KCNIP4: variants seen among roughly 807,000 people sequenced by gnomAD.
KCNIP4 encodes Kv channel-interacting protein 4.
A neutral mutation model predicts 34.0 loss-of-function variants in KCNIP4; 12 were observed. The observed-to-expected ratio is 0.35, with a 90% CI of 0.23 to 0.57. The LOEUF (loss-of-function observed/expected upper bound fraction) is 0.57. Ranked by LOEUF, KCNIP4 falls within the 20% of genes least tolerant of loss-of-function variation. KCNIP4 has a pLI of 0.83. For synonymous variants in KCNIP4, 124 were observed against 102.2 expected (o/e 1.21, Z -1.29); for missense variants, 238 against 311.7 (o/e 0.76, Z 1.78).
intron 1 of KCNIP4, among the ~76,000 whole-genome samples, chr4:21,203,036 C>T (rs1007851182): frequency 2.0e-5 from 3 of 152,206 alleles, no homozygotes; most frequent in Admixed American, 6.5e-5. Flanking sequence ...CCACAAATAA[C>T]GAATACTTGG....
At chr4:21,010,893 A>G (rs1290980426) in intron 1 of KCNIP4, among the ~76,000 whole-genome samples, 1 of 152,190 alleles carries the variant, frequency 6.6e-6, no homozygotes, top group Admixed American at 6.5e-5. Context: ...ATACTAATTG[A>G]TGCTACCACT....
intron 1 of KCNIP4, among the ~76,000 whole-genome samples, chr4:20,902,895 G>A (rs1040957910): frequency 1.3e-5 from 2 of 152,194 alleles, no homozygotes; most frequent in Admixed American, 6.5e-5. Context: ...TAGTGGCAAC[G>A]TGAAGATCCG....
chr4:20,935,305 T>C (rs1189705502), intron 1 of KCNIP4, among the ~76,000 whole-genome samples: 1 of 152,148 alleles, frequency 6.6e-6, no homozygotes, highest in Non-Finnish European at 1.5e-5. Flanking sequence ...AAATAGCTCA[T>C]AGGCATTTCA....
intron 1 of KCNIP4, among the ~76,000 whole-genome samples, chr4:21,329,238 A>G (rs1357481066): frequency 1.3e-5 from 2 of 152,242 alleles, no homozygotes; most frequent in Admixed American, 6.5e-5. Context: ...ACAACATTTA[A>G]TTATCTACAA....
At chr4:21,420,204 T>A (rs1318398203) in intron 1 of KCNIP4, among the ~76,000 whole-genome samples, 1 of 152,234 alleles carries the variant, frequency 6.6e-6, no homozygotes, top group African/African-American at 2.4e-5. Context: ...GCACTGGATA[T>A]CTTATTTCTT....
At chr4:21,513,832 G>A (rs1326752253) in intron 1 of KCNIP4, among the ~76,000 whole-genome samples, 1 of 152,038 alleles carries the variant, frequency 6.6e-6, no homozygotes, top group East Asian at 1.9e-4. Flanking sequence ...GATGAACAAC[G>A]GTACAAAACA....
chr4:21,679,161 C>T (rs534551731), intron 1 of KCNIP4, among the ~76,000 whole-genome samples: 22 of 152,282 alleles, frequency 1.4e-4, no homozygotes, highest in Admixed American at 9.8e-4. Context: ...GTTTAGGCTA[C>T]GTAGTCTGTG....
At chr4:21,789,404 CT>C (rs1265225171) in intron 1 of KCNIP4, among the ~76,000 whole-genome samples, 10 of 152,244 alleles carry the variant, frequency 6.6e-5, no homozygotes, top group African/African-American at 2.2e-4. Context: ...ACCTCTTTTG[CT>C]TTAGTCTGCA....
chr4:21,120,196 GAAACA>G (rs1560739979), intron 1 of KCNIP4, among the ~76,000 whole-genome samples: 2 of 150,786 alleles, frequency 1.3e-5, no homozygotes, highest in African/African-American at 4.9e-5. Context: ...TCCTTACGAA[GAAACA>G]AAAACAAAAA....
intron 1 of KCNIP4, among the ~76,000 whole-genome samples, chr4:21,915,487 A>C (rs1316507804): frequency 6.6e-6 from 1 of 152,218 alleles, no homozygotes; most frequent in Admixed American, 6.5e-5. Flanking sequence ...TATCTAGGTC[A>C]TACAGTTAAG....
intron 1 of KCNIP4, among the ~76,000 whole-genome samples, chr4:20,954,206 C>T (rs1733071879): frequency 6.6e-6 from 1 of 152,082 alleles, no homozygotes; most frequent in African/African-American, 2.4e-5. Flanking sequence ...AGTTCACAAT[C>T]CAAAAGCAAG....
intron 1 of KCNIP4, among the ~76,000 whole-genome samples, chr4:21,365,214 G>C (rs1389281078): frequency 1.3e-5 from 2 of 152,094 alleles, no homozygotes; most frequent in Non-Finnish European, 2.9e-5. Context: ...GGCCAGTGCG[G>C]TGGTTCATGC....
chr4:21,142,562 G>T (rs927188773), intron 1 of KCNIP4, among the ~76,000 whole-genome samples: 10 of 152,078 alleles, frequency 6.6e-5, no homozygotes, highest in Non-Finnish European at 1.2e-4. Flanking sequence ...TTCAATCAGG[G>T]TTCCTAGGGT....
At chr4:21,351,885 C>G (rs1187457184) in intron 1 of KCNIP4, among the ~76,000 whole-genome samples, 1 of 152,110 alleles carries the variant, frequency 6.6e-6, no homozygotes, top group Non-Finnish European at 1.5e-5. Context: ...TTAACTCAGC[C>G]AGTCTGTGGT....
chr4:21,243,976 A>G (rs908789876), intron 1 of KCNIP4, among the ~76,000 whole-genome samples: 2 of 152,174 alleles, frequency 1.3e-5, no homozygotes, highest in Non-Finnish European at 2.9e-5. Context: ...AGAGCTCAGA[A>G]AGTTGTAGCA....
At chr4:20,959,115 T>C (rs1011057480) in intron 1 of KCNIP4, among the ~76,000 whole-genome samples, 21 of 152,168 alleles carry the variant, frequency 1.4e-4, no homozygotes, top group African/African-American at 4.6e-4. Context: ...GGAAGGAAGA[T>C]TGAAAATGAG....
At chr4:21,441,666 G>A (rs1727497782) in intron 1 of KCNIP4, among the ~76,000 whole-genome samples, 1 of 152,108 alleles carries the variant, frequency 6.6e-6, no homozygotes, top group Non-Finnish European at 1.5e-5. Context: ...TCTTTCTGTA[G>A]TAACCACTCA....
At chr4:20,919,635 G>A (rs1004437717) in intron 1 of KCNIP4, among the ~76,000 whole-genome samples, 6 of 150,348 alleles carry the variant, frequency 4.0e-5, no homozygotes, top group African/African-American at 7.4e-5. Flanking sequence ...CACGGGAGGC[G>A]GAGCTTGCCC....
At chr4:20,833,673 A>C (rs1057371099) in intron 3 of KCNIP4, among the ~76,000 whole-genome samples, 2 of 152,110 alleles carry the variant, frequency 1.3e-5, no homozygotes, top group Non-Finnish European at 2.9e-5. Context: ...TATGTTAATG[A>C]CTTGGTCAGA....
Sources: gnomAD v4.1 joint callset for allele counts (sites outside exome capture counted in the v4.1 genomes callset) on GRCh38, gnomAD v4.1.1 for gene constraint, MANE v1.5 for transcripts, NCBI Gene and HGNC (gene_info 2026-07-23, HGNC 2026-07-21) for gene names.